Variants in NAV2 observed in about 807,000 individuals in gnomAD.
NAV2 encodes neuron navigator 2.
A neutral mutation model predicts 223.2 loss-of-function variants in NAV2; 54 were observed. That is an observed-to-expected ratio of 0.24 (90% confidence interval 0.19 to 0.30). The LOEUF is 0.30. NAV2 is among the 10% of genes least tolerant of loss of function. The pLI is 1.00. For synonymous variants in NAV2, 1,279 were observed against 1,239.3 expected (o/e 1.03, Z -0.67); for missense variants, 2,806 against 3,147.5 (o/e 0.89, Z 2.60).
chr11:19,667,070 C>T (rs1182357815), intron 1 of NAV2, among the ~76,000 whole-genome samples: 2 of 152,108 alleles, frequency 1.3e-5, no homozygotes, highest in Admixed American at 1.3e-4. Context: ...CAGCCCCTCT[C>T]TGTATGTTCC....
At chr11:19,943,781 C>T (rs2046602480) in intron 8 of NAV2, among the ~76,000 whole-genome samples, 1 of 152,114 alleles carries the variant, frequency 6.6e-6, no homozygotes, top group Non-Finnish European at 1.5e-5. Flanking sequence ...TTTAAAGACC[C>T]ATGATTGTGC....
intron 1 of NAV2, among the ~76,000 whole-genome samples, chr11:19,715,026 T>C (rs1430504900): frequency 6.6e-6 from 1 of 152,138 alleles, no homozygotes; most frequent in African/African-American, 2.4e-5. Flanking sequence ...GCTGACCTTT[T>C]TGGCACATAC....
intron 3 of NAV2, among the ~76,000 whole-genome samples, chr11:19,851,889 A>G (rs888477034): frequency 1.2e-4 from 17 of 147,192 alleles, no homozygotes; most frequent in Admixed American, 4.1e-4. Flanking sequence ...GATTACAAGC[A>G]TTCTTATAAG....
chr11:19,906,023 C>T (rs905303749), intron 6 of NAV2, among the ~76,000 whole-genome samples: 2 of 152,096 alleles, frequency 1.3e-5, no homozygotes, highest in Non-Finnish European at 1.5e-5. Flanking sequence ...TGATTTCTTA[C>T]AAGCCCAAGG....
intron 1 of NAV2, among the ~76,000 whole-genome samples, chr11:19,681,499 G>A (rs1409598989): frequency 6.6e-6 from 1 of 152,166 alleles, no homozygotes; most frequent in Non-Finnish European, 1.5e-5. Context: ...TTGAGATCAG[G>A]TTTATCTTCT....
chr11:19,391,700 TG>T (rs929191031), intron 1 of NAV2, among the ~76,000 whole-genome samples: 3 of 148,200 alleles, frequency 2.0e-5, no homozygotes, highest in African/African-American at 7.5e-5. Context: ...GGGCAGGAAC[TG>T]GGGGGGATGG....
At chr11:20,112,892 G>C (rs2062757486) in intron 36 of NAV2, among the ~76,000 whole-genome samples, 1 of 152,216 alleles carries the variant, frequency 6.6e-6, no homozygotes, top group African/African-American at 2.4e-5. Context: ...GCTTCACACT[G>C]TTGTCAGCAC....
chr11:19,624,528 C>A (rs2047105361), intron 1 of NAV2, among the ~76,000 whole-genome samples: 1 of 152,294 alleles, frequency 6.6e-6, no homozygotes, highest in South Asian at 2.1e-4. Context: ...GTGAGTGAGG[C>A]TGTGTGGGCA....
intron 10 of NAV2, among the ~76,000 whole-genome samples, chr11:19,956,394 ACGCTCT>A (rs1485905120): frequency 2.0e-5 from 3 of 147,710 alleles, no homozygotes; most frequent in Non-Finnish European, 3.0e-5. Context: ...ACACACACAC[ACGCTCT>A]CTCTCTCTCT....
At chr11:20,084,703 C>A (rs2060308174) in intron 26 of NAV2, among the ~76,000 whole-genome samples, 2 of 152,130 alleles carry the variant, frequency 1.3e-5, no homozygotes, top group African/African-American at 4.8e-5. Flanking sequence ...TGCAGAGTGC[C>A]TAAGGAAAGA....
rs761362307 is a variant in NAV2, at chr11:19,939,652, T to C, written c.2034-9T>C. On this transcript the variant is annotated splice_polypyrimidine_tract_variant and intron_variant, in intron 7 of 37. Transcript: ENST00000349880. ...TGACAAGTGTGTCTGCTTCGGTTTG[T>C]GTGTGAAGGTCTCAGACGGACACTG... The C allele has an allele frequency of 6.2e-7, 1 of 1,612,382 alleles. No homozygotes were observed. The highest frequency in any genetic ancestry group is 1.7e-5 in the Admixed American group (1 of 59,992).
At chr11:19,691,875 A>G (rs1021743770) in intron 1 of NAV2, among the ~76,000 whole-genome samples, 1 of 152,224 alleles carries the variant, frequency 6.6e-6, no homozygotes, top group Non-Finnish European at 1.5e-5. Context: ...GGCTGGCACT[A>G]TGGTGTCAAA....
chr11:20,071,790 TTTC>T (rs1193021973), intron 22 of NAV2, among the ~76,000 whole-genome samples: 1 of 152,246 alleles, frequency 6.6e-6, no homozygotes, highest in Non-Finnish European at 1.5e-5. Context: ...TGGGTGTTTT[TTTC>T]TTGTAAATTT....
At chr11:19,805,901 A>G (rs547097251) in intron 1 of NAV2, among the ~76,000 whole-genome samples, 2 of 152,348 alleles carry the variant, frequency 1.3e-5, no homozygotes, top group African/African-American at 2.4e-5. Flanking sequence ...TAAGTGACAG[A>G]GCCAGAATTC....
intron 1 of NAV2, among the ~76,000 whole-genome samples, chr11:19,728,403 T>C (rs2051438061): frequency 6.6e-6 from 1 of 152,222 alleles, no homozygotes; most frequent in South Asian, 2.1e-4. Flanking sequence ...GGCATCTGTA[T>C]TTCTTAGGGC....
intron 1 of NAV2, among the ~76,000 whole-genome samples, chr11:19,452,708 A>G (rs1010175600): frequency 1.3e-5 from 2 of 152,244 alleles, no homozygotes; most frequent in Non-Finnish European, 2.9e-5. Context: ...AGCCTATTTT[A>G]TAATAAGGTG....
chr11:20,042,604 G>A (rs1435890139), intron 12 of NAV2, among the ~76,000 whole-genome samples: 2 of 152,162 alleles, frequency 1.3e-5, no homozygotes, highest in Non-Finnish European at 2.9e-5. Flanking sequence ...GATTGAACTT[G>A]GGCTGCCTAT....
At chr11:20,042,581 G>T (rs768433776) in intron 12 of NAV2, among the ~76,000 whole-genome samples, 1 of 152,156 alleles carries the variant, frequency 6.6e-6, no homozygotes, top group Non-Finnish European at 1.5e-5. Flanking sequence ...GGTTGGGGTG[G>T]TGTTGGGGAG....
chr11:19,850,222 G>C (rs569561369), intron 3 of NAV2, among the ~76,000 whole-genome samples: 3 of 152,310 alleles, frequency 2.0e-5, no homozygotes, highest in African/African-American at 4.8e-5. Context: ...CAGGTCACTT[G>C]TTTCCTCAAA....
Sources: allele counts gnomAD v4.1 joint callset (sites outside exome capture counted in the v4.1 genomes callset), GRCh38; gene constraint gnomAD v4.1.1; transcripts MANE v1.5; gene names NCBI Gene and HGNC (gene_info 2026-07-23, HGNC 2026-07-21).